Variants in TMEM167B observed in about 807,000 individuals in gnomAD.
TMEM167B encodes protein kish-B.
In TMEM167B, 2 loss-of-function variants were observed where a neutral mutation model predicts 9.4. That is an observed-to-expected ratio of 0.21 (90% CI 0.09 to 0.67). TMEM167B has a LOEUF of 0.67. TMEM167B is among the 30% of genes least tolerant of loss of function. The probability of loss-of-function intolerance (pLI) is 0.82; values close to 1 mark genes in which losing one functional copy is unlikely to be tolerated. For synonymous variants in TMEM167B, 28 were observed against 32.0 expected (o/e 0.87, Z 0.42); for missense variants, 68 against 87.6 (o/e 0.78, Z 0.89).
In TMEM167B at chr1:109,096,019, G is replaced by A. The variant is rs533372929; in HGVS notation, c.*1520G>A. On this transcript the variant is annotated 3_prime_UTR_variant, in exon 3 of 3. Coordinates refer to ENST00000338272, the MANE Select transcript of TMEM167B (RefSeq NM_020141.4). ...CTTAATGGTGGACAAGTTAGCTGTG[G>A]TTGATTCCTGTGTGGCAGTAAATTG... 1.3e-3 allele frequency: 194 copies of A among 152,346 alleles called. 1 individual carries two copies. Among genetic ancestry groups the A allele is most frequent in the African/African-American group, 4.4e-3 (181 of 41,580 alleles). 9.4% of individuals were successfully genotyped at this position (152,346 alleles called of 1,614,324 possible). A position where few individuals can be genotyped will look rare whatever the true frequency, so the allele number is the denominator to read the frequency against.
chr1:109,091,571 T>C (rs1185989884), intron 1 of TMEM167B: 2 of 152,154 alleles, frequency 1.3e-5, no homozygotes, highest in Non-Finnish European at 2.9e-5. Context: ...AGTGTCAACC[T>C]TACAGGAAAG....
At chr1:109,092,003 A>G (rs1465284753) in intron 1 of TMEM167B, among the ~76,000 whole-genome samples, 1 of 152,180 alleles carries the variant, frequency 6.6e-6, no homozygotes, top group African/African-American at 2.4e-5. Flanking sequence ...GCAGTTTGAC[A>G]CGGTAGTTGC....
At chr1:109,092,534 G>A (rs1006363068) in intron 1 of TMEM167B, among the ~76,000 whole-genome samples, 1 of 152,062 alleles carries the variant, frequency 6.6e-6, no homozygotes, top group Admixed American at 6.5e-5. Flanking sequence ...TGAAAGGTGA[G>A]GGGAAGGACC....
Position 109,094,553 on chromosome 1 carries a change from C to T in TMEM167B, c.*54C>T. 1 of 1,568,786 alleles carries T rather than the reference C, an allele frequency of 6.4e-7. No individual in the cohort carries two copies. The highest frequency in any genetic ancestry group is 8.8e-7 in the Non-Finnish European group (1 of 1,140,314). On this transcript the variant is annotated 3_prime_UTR_variant, in exon 3 of 3. Transcript: ENST00000338272. ...CAACCAAGGGGACGGGGATGAAGAA[C>T]CTGTTGGAGACCTGAACCCAGTGTA... is the stretch of plus-strand genomic sequence containing the variant.
chr1:109,091,966 A>G (rs2102126584), intron 1 of TMEM167B, among the ~76,000 whole-genome samples: 1 of 152,340 alleles, frequency 6.6e-6, no homozygotes, highest in African/African-American at 2.4e-5. Context: ...CCAGAGGAAG[A>G]CAGAATCTGA....
At chr1:109,092,799 C>G (rs1664479347) in intron 1 of TMEM167B, 91 bp from the exon 2 acceptor site, 1 of 1,438,898 alleles carries the variant, frequency 6.9e-7, no homozygotes, top group South Asian at 1.3e-5. Flanking sequence ...GTTATTATGT[C>G]ACACACTATC....
chr1:109,092,606 CTG>C (rs1413607909), intron 1 of TMEM167B, among the ~76,000 whole-genome samples: 1 of 152,018 alleles, frequency 6.6e-6, no homozygotes, highest in Non-Finnish European at 1.5e-5. Flanking sequence ...GGGTCTCACT[CTG>C]TTGCTCAGGC....
intron 1 of TMEM167B, 72 bp downstream of exon 1, chr1:109,090,954 C>T (rs1021994329): frequency 6.6e-6 from 10 of 1,516,262 alleles, no homozygotes; most frequent in Non-Finnish European, 8.9e-6. Flanking sequence ...GGGGCCGGGA[C>T]TGACGTGGCC....
Position 109,095,297 on chromosome 1 carries a change from T to C in TMEM167B, c.*798T>C, listed in dbSNP as rs1664542172. On this transcript the variant is annotated 3_prime_UTR_variant, in exon 3 of 3. Coordinates refer to ENST00000338272, the MANE Select transcript of TMEM167B (RefSeq NM_020141.4). ...ACTATTGCTATTTCGTAAAACCTTT[T>C]TATATTTTCTAAATTTACTTAGTGC... The C allele has an allele frequency of 6.6e-6, 1 of 152,232 alleles. No homozygotes were observed. Among genetic ancestry groups the C allele is most frequent in the Middle Eastern group, 3.2e-3 (1 of 316 alleles). 9.4% of individuals were successfully genotyped at this position (152,232 alleles called of 1,614,324 possible).
intron 2 of TMEM167B, 32 bp from the exon 3 acceptor site, chr1:109,094,385 G>A (rs1664520091): frequency 6.2e-7 from 1 of 1,610,060 alleles, no homozygotes; most frequent in South Asian, 1.1e-5. Context: ...GTGAAGGGCA[G>A]GGTGTGATTT....
intron 2 of TMEM167B, among the ~76,000 whole-genome samples, 168 bp from the exon 3 acceptor site, chr1:109,094,249 C>T (rs1664516898): frequency 6.6e-6 from 1 of 152,184 alleles, no homozygotes; most frequent in Non-Finnish European, 1.5e-5. Context: ...CACTGCACTC[C>T]AGCCTGGCCG....
Position 109,094,455 on chromosome 1 carries a change from A to G in TMEM167B, c.181A>G (p.Ile61Val), listed in dbSNP as rs1173565780. ...IGTRLHAAVA[I>V]ACVVMAFYVL... ...AACCAGGCTGCATGCTGCTGTGGCAATTGCTTGTGTTGTAATGGCCTTTTA... is the reference window on the plus strand; with the variant it reads ...AACCAGGCTGCATGCTGCTGTGGCAGTTGCTTGTGTTGTAATGGCCTTTTA... Residue 61 changes from isoleucine (I) to valine (V), a missense_variant, in exon 3 of 3, where the codon ATT becomes GTT. By Grantham distance (29) the Ile-to-Val change is conservative. Coordinates refer to ENST00000338272, the MANE Select transcript of TMEM167B (RefSeq NM_020141.4). 15 of 1,613,904 alleles carry G rather than the reference A, an allele frequency of 9.3e-6. No homozygotes were observed. Among genetic ancestry groups the G allele is most frequent in the East Asian group, 4.5e-5 (2 of 44,894 alleles).
At chr1:109,091,363 G>T (rs1664446416) in intron 1 of TMEM167B, among the ~76,000 whole-genome samples, 1 of 152,172 alleles carries the variant, frequency 6.6e-6, no homozygotes, top group Non-Finnish European at 1.5e-5. Flanking sequence ...GAAAAATACC[G>T]GAAAGATTTC....
rs571187374 is a variant in TMEM167B, at chr1:109,094,278, C to G, written c.143-139C>G. On this transcript the variant is annotated intron_variant, in intron 2 of 2. Transcript: ENST00000338272. ...CTGGCCGACAGAGTGAGACTGCCTCCAAAAATAAAATAAAAACATCCCAGG... is the reference window on the plus strand; with the variant it reads ...CTGGCCGACAGAGTGAGACTGCCTCGAAAAATAAAATAAAAACATCCCAGG... The G allele has an allele frequency of 1.3e-5, 11 of 859,332 alleles. No homozygotes were observed. In the South Asian group the frequency reaches 1.9e-4, roughly 15 times the overall value. 53.2% of individuals were successfully genotyped at this position (859,332 alleles called of 1,614,324 possible).
At chr1:109,092,691 A>G (rs575290947) in intron 1 of TMEM167B, among the ~76,000 whole-genome samples, 199 bp from the exon 2 acceptor site, 1 of 152,134 alleles carries the variant, frequency 6.6e-6, no homozygotes, top group South Asian at 2.1e-4. Flanking sequence ...CCTTCCTCCT[A>G]CAAGCAATTT....
At chr1:109,090,907 G>C (rs1664432266) in intron 1 of TMEM167B, 25 bp downstream of exon 1, 4 of 1,582,266 alleles carry the variant, frequency 2.5e-6, no homozygotes, top group Non-Finnish European at 3.4e-6. Context: ...CCTGAGCGGA[G>C]GGTGGGAGTG....
intron 1 of TMEM167B, among the ~76,000 whole-genome samples, 183 bp downstream of exon 1, chr1:109,091,065 T>C (rs565707545): frequency 3.8e-4 from 58 of 150,738 alleles, no homozygotes; most frequent in Non-Finnish European, 6.9e-4. Flanking sequence ...CCCATATTCA[T>C]CTAGGACCCC....
At position 109,094,663 on chromosome 1, in the gene TMEM167B, A is replaced by T; in HGVS notation, c.*164A>T. The T allele has an allele frequency of 1.5e-6, 1 of 648,180 alleles. No individual in the cohort carries two copies. Among genetic ancestry groups the T allele is most frequent in the Non-Finnish European group, 2.7e-6 (1 of 369,922 alleles). 40.2% of individuals were successfully genotyped at this position (648,180 alleles called of 1,614,324 possible). A position where few individuals can be genotyped will look rare whatever the true frequency, so the allele number is the denominator to read the frequency against. ...TATGTGGGGAAAACTCATGGTCACGAACATTATTTATGCTTCAGGGGACTA... is the reference window on the plus strand; with the variant it reads ...TATGTGGGGAAAACTCATGGTCACGTACATTATTTATGCTTCAGGGGACTA... On this transcript the variant is annotated 3_prime_UTR_variant, in exon 3 of 3. Transcript: ENST00000338272.
intron 1 of TMEM167B, among the ~76,000 whole-genome samples, chr1:109,092,310 T>G (rs1199780271): frequency 6.6e-6 from 1 of 152,208 alleles, no homozygotes; most frequent in Non-Finnish European, 1.5e-5. Context: ...CAACTTTCAT[T>G]AAGCTTAATT....
Sources: allele counts gnomAD v4.1 joint callset (sites outside exome capture counted in the v4.1 genomes callset), GRCh38; gene constraint gnomAD v4.1.1; transcripts MANE v1.5; gene names NCBI Gene and HGNC (gene_info 2026-07-23, HGNC 2026-07-21).